The following RAP2A variants were observed in gnomAD, a reference collection of about 807,000 sequenced individuals.
RAP2A encodes ras-related protein Rap-2a.
Under a neutral mutation model 15.1 loss-of-function variants are expected in RAP2A, and 5 were observed. The observed-to-expected ratio is 0.33, with a 90% CI of 0.17 to 0.70. The LOEUF (loss-of-function observed/expected upper bound fraction) is 0.70. Ranked by LOEUF, RAP2A falls within the 30% of genes least tolerant of loss-of-function variation. The probability of loss-of-function intolerance (pLI) is 0.68; values close to 1 mark genes in which losing one functional copy is unlikely to be tolerated. For synonymous variants in RAP2A, 110 were observed against 99.7 expected (o/e 1.10, Z -0.62); for missense variants, 111 against 240.3 (o/e 0.46, Z 3.56).
At chr13:97,449,606 A>C (rs1030015205) in intron 1 of RAP2A, among the ~76,000 whole-genome samples, 2 of 152,094 alleles carry the variant, frequency 1.3e-5, no homozygotes, top group African/African-American at 4.8e-5. Context: ...CTTTCATTTC[A>C]GTGTTGGCTT....
rs770414519 is a variant in RAP2A, at chr13:97,456,045, T to C, written c.315-8160T>C. 2.0e-5 allele frequency among the ~76,000 whole-genome samples: 3 copies of C among 149,308 alleles called. 1 individual carries two copies. Among genetic ancestry groups the C allele is most frequent in the Non-Finnish European group, 4.5e-5 (3 of 66,956 alleles). ...AGTTCTCTAGCCAGAAAGACAGATTTCTAATGAAGTTTTAGCTACTGGCAC... is the reference window on the plus strand; with the variant it reads ...AGTTCTCTAGCCAGAAAGACAGATTCCTAATGAAGTTTTAGCTACTGGCAC... On this transcript the variant is annotated intron_variant, in intron 1 of 1. Transcript: ENST00000245304.
chr13:97,446,772 C>G (rs2066681601), intron 1 of RAP2A, among the ~76,000 whole-genome samples: 1 of 152,156 alleles, frequency 6.6e-6, no homozygotes, highest in Non-Finnish European at 1.5e-5. Flanking sequence ...ACGTGCCAGG[C>G]CTCAAGTGAG....
intron 1 of RAP2A, among the ~76,000 whole-genome samples, chr13:97,457,172 T>G (rs540206392): frequency 6.6e-6 from 1 of 152,212 alleles, no homozygotes; most frequent in South Asian, 2.1e-4. Context: ...CATGGCAATT[T>G]GATGAACTAA....
chr13:97,434,823 G>A (rs772787425), intron 1 of RAP2A, 39 bp downstream of exon 1: 6 of 1,604,690 alleles, frequency 3.7e-6, no homozygotes, highest in Non-Finnish European at 5.1e-6. Context: ...GCTGCACCCC[G>A]GAGTCACCGT....
In RAP2A at chr13:97,440,270, A is replaced by G. The variant is rs150251064; in HGVS notation, c.314+5486A>G. Among the ~76,000 whole-genome samples, 3 of 152,152 alleles carry G rather than the reference A, an allele frequency of 2.0e-5. No individual in the cohort carries two copies. The East Asian group carries it at 5.8e-4, about 29-fold the overall frequency. ...TGTTTTGTTTTGGTACTGGTGAATT[A>G]GTAGGAAAAATTTTTAATAATAAAT... On this transcript the variant is annotated intron_variant, in intron 1 of 1. Coordinates refer to ENST00000245304, the MANE Select transcript of RAP2A (RefSeq NM_021033.7).
Position 97,434,470 on chromosome 13 carries a change from G to T in RAP2A, c.-1G>T. The T allele has an allele frequency of 1.3e-6, 2 of 1,594,144 alleles. No homozygotes were observed. The highest frequency in any genetic ancestry group is 1.7e-6 in the Non-Finnish European group (2 of 1,168,182). On this transcript the variant is annotated 5_prime_UTR_variant, in exon 1 of 2. Coordinates refer to ENST00000245304, the MANE Select transcript of RAP2A (RefSeq NM_021033.7). Reference sequence around the variant, plus strand: ...GCGGCGGCGGCGGCCGCGGAGGGACGATGCGCGAGTACAAAGTGGTGGTGC... The same window carrying T: ...GCGGCGGCGGCGGCCGCGGAGGGACTATGCGCGAGTACAAAGTGGTGGTGC...
intron 1 of RAP2A, among the ~76,000 whole-genome samples, chr13:97,435,401 A>G (rs1206700780): frequency 6.6e-6 from 1 of 151,566 alleles, no homozygotes; most frequent in Non-Finnish European, 1.5e-5. Flanking sequence ...TTCACAGGAA[A>G]AGAATGCAGC....
chr13:97,463,213 A>C (rs1331427486), intron 1 of RAP2A, among the ~76,000 whole-genome samples: 1 of 152,130 alleles, frequency 6.6e-6, no homozygotes, highest in Non-Finnish European at 1.5e-5. Context: ...ACAAACATAA[A>C]GAAGAATAGT....
At chr13:97,435,427 T>C (rs899834722) in intron 1 of RAP2A, among the ~76,000 whole-genome samples, 3 of 149,790 alleles carry the variant, frequency 2.0e-5, no homozygotes, top group African/African-American at 7.3e-5. Context: ...TGTTTGTTTT[T>C]GTTTTTTTGT....
At chr13:97,436,208 C>T (rs1203782425) in intron 1 of RAP2A, 1 of 152,140 alleles carries the variant, frequency 6.6e-6, no homozygotes, top group African/African-American at 2.4e-5. Flanking sequence ...CTTTGTACTT[C>T]TCCAGTATCA....
chr13:97,443,712 G>A (rs2066667335), intron 1 of RAP2A, among the ~76,000 whole-genome samples: 1 of 152,036 alleles, frequency 6.6e-6, no homozygotes, highest in African/African-American at 2.4e-5. Flanking sequence ...TCATCTTTAG[G>A]TTTCCAATGA....
chr13:97,440,605 G>A (rs548814717), intron 1 of RAP2A, among the ~76,000 whole-genome samples: 7 of 152,042 alleles, frequency 4.6e-5, no homozygotes, highest in Non-Finnish European at 8.8e-5. Flanking sequence ...AAAATGACTC[G>A]AAGAGCTCAG....
At chr13:97,463,433 A>G (rs2066756943) in intron 1 of RAP2A, among the ~76,000 whole-genome samples, 1 of 152,260 alleles carries the variant, frequency 6.6e-6, no homozygotes, top group Non-Finnish European at 1.5e-5. Flanking sequence ...GAAAAAGAGA[A>G]ATAACACCAA....
At chr13:97,449,234 A>G (rs772058314) in intron 1 of RAP2A, among the ~76,000 whole-genome samples, 1 of 152,076 alleles carries the variant, frequency 6.6e-6, no homozygotes, top group Non-Finnish European at 1.5e-5. Context: ...TTTATGGGAT[A>G]GTTGGTTGGG....
intron 1 of RAP2A, 99 bp downstream of exon 1, chr13:97,434,883 G>C (rs2066626145): frequency 6.7e-7 from 1 of 1,497,038 alleles, no homozygotes; most frequent in African/African-American, 1.4e-5. Flanking sequence ...GGCTTTCTGG[G>C]GGGTGGCTCC....
chr13:97,452,000 G>A (rs1443998720), intron 1 of RAP2A, among the ~76,000 whole-genome samples: 1 of 150,874 alleles, frequency 6.6e-6, no homozygotes, highest in Non-Finnish European at 1.5e-5. Flanking sequence ...TTTATAATTT[G>A]TAGAAATTCT....
Position 97,438,161 on chromosome 13 carries a change from C to G in RAP2A, c.314+3377C>G, listed in dbSNP as rs995102525. Among the ~76,000 whole-genome samples the G allele has an allele frequency of 5.1e-4, 77 of 152,046 alleles. 1 individual carries two copies. Among genetic ancestry groups the G allele is most frequent in the African/African-American group, 1.7e-3 (71 of 41,408 alleles). ...GAATTTTTTTCTGATTTTGTAATTG[C>G]TTTTTTCATTGTTACCCATGCCAGG... On this transcript the variant is annotated intron_variant, in intron 1 of 1. Transcript: ENST00000245304.
intron 1 of RAP2A, among the ~76,000 whole-genome samples, chr13:97,450,782 C>G (rs571699124): frequency 1.3e-4 from 20 of 152,116 alleles, no homozygotes; most frequent in African/African-American, 4.8e-4. Context: ...TGGCACTTTA[C>G]AGTGGAAAAT....
At chr13:97,463,192 T>A (rs1004847727) in intron 1 of RAP2A, among the ~76,000 whole-genome samples, 10 of 152,324 alleles carry the variant, frequency 6.6e-5, no homozygotes, top group African/African-American at 2.4e-4. Context: ...ATATTAGCTA[T>A]CTTTCTTAGA....
Sources: gnomAD v4.1 joint callset for allele counts (sites outside exome capture counted in the v4.1 genomes callset) on GRCh38, gnomAD v4.1.1 for gene constraint, MANE v1.5 for transcripts, NCBI Gene and HGNC (gene_info 2026-07-23, HGNC 2026-07-21) for gene names.